Variants in VCPKMT observed in about 807,000 individuals in gnomAD.
The protein encoded by VCPKMT is protein N-lysine methyltransferase METTL21D.
In VCPKMT, 32 loss-of-function variants were observed where a neutral mutation model predicts 28.6. The observed-to-expected ratio is 1.12, with a 90% confidence interval of 0.84 to 1.50. The LOEUF is 1.50. VCPKMT is among the 40% of genes most tolerant of loss of function. The pLI is 0.00. For synonymous variants in VCPKMT, 138 were observed against 111.4 expected (o/e 1.24, Z -1.50); for missense variants, 366 against 285.0 (o/e 1.28, Z -2.05).
chr14:50,106,434 G>T, downstream of VCPKMT: 1 of 457,852 alleles, frequency 2.2e-6, no homozygotes, highest in Non-Finnish European at 2.9e-6. Flanking sequence ...CCAGCTAGTG[G>T]CATCACCTTA....
Position 50,113,803 on chromosome 14 carries a change from GGGGGGGTGA to G in VCPKMT, c.570+473_570+481del, listed in dbSNP as rs1882888133. On this transcript the variant is annotated intron_variant, in intron 4 of 5. Coordinates refer to ENST00000395860, the MANE Select transcript of VCPKMT (RefSeq NM_024558.3). ...CCCACTTACTTGGGGGCGGGGGGGG[GGGGGGGTGA>G]CACTGAGGCAGGAGGATCACTTGAG... 3.4e-5 allele frequency among the ~76,000 whole-genome samples: 3 copies of G among 88,484 alleles called. 1 individual carries two copies. Among genetic ancestry groups the G allele is most frequent in the African/African-American group, 8.0e-5 (2 of 25,138 alleles). The allele number at this position is 88,484 out of a possible 152,430, so 58.0% of individuals were successfully genotyped here.
intron 5 of VCPKMT, chr14:50,110,981 C>T (rs1882611519): frequency 5.3e-6 from 1 of 187,588 alleles, no homozygotes; most frequent in Non-Finnish European, 1.0e-5. Context: ...TGGCTGCCAG[C>T]AGCTGGGGAC....
chr14:50,113,988 T>C (rs1031112661), intron 4 of VCPKMT, among the ~76,000 whole-genome samples: 2 of 152,214 alleles, frequency 1.3e-5, no homozygotes, highest in African/African-American at 2.4e-5. Context: ...ATCATTGAGA[T>C]GTTCCCCAAA....
chr14:50,109,574 ATC>A lies in VCPKMT; in HGVS notation c.*123_*124del, dbSNP rs1482436372. The A allele has an allele frequency of 3.5e-6, 5 of 1,423,674 alleles. No individual in the cohort carries two copies. The highest frequency in any genetic ancestry group is 3.0e-5 in the African/African-American group (2 of 67,300). 88.2% of individuals were successfully genotyped at this position (1,423,674 alleles called of 1,614,324 possible). A position where few individuals can be genotyped will look rare whatever the true frequency, so the allele number is the denominator to read the frequency against. ...CTGGTGGTCATCATCTATACATCGG[ATC>A]TCTAAGGACGTGCCGGAAAAAAAAA... On this transcript the variant is annotated 3_prime_UTR_variant, in exon 6 of 6. Coordinates refer to ENST00000395860, the MANE Select transcript of VCPKMT (RefSeq NM_024558.3).
rs1288842667 is a variant in VCPKMT at position 50,115,881 on chromosome 14, TGGA to T, written c.405_407del (p.Pro137del). On this transcript the variant is annotated inframe_deletion, in exon 3 of 6. Transcript: ENST00000395860. ...AGTCGGCCATCAGTATGAAGTCGGG[TGGA>T]GAAGGAAAGCCTTCTATTTCTTCCC... The T allele has an allele frequency of 1.2e-6, 2 of 1,613,444 alleles. No homozygotes were observed. The highest frequency in any genetic ancestry group is 8.5e-7 in the Non-Finnish European group (1 of 1,179,538).
chr14:50,115,933 T>G lies in VCPKMT; in HGVS notation c.378-22A>C, dbSNP rs1279732610. The G allele has an allele frequency of 1.9e-6, 3 of 1,611,804 alleles. No homozygotes were observed. The East Asian group carries it at 6.7e-5, about 36-fold the overall frequency. ...CCCCCTTAAAAATGCCAAACAAATA[T>G]TTCAATTGTTTTAATAATTCAAAAT... On this transcript the variant is annotated intron_variant, in intron 2 of 5. Transcript: ENST00000395860.
downstream of VCPKMT, among the ~76,000 whole-genome samples, chr14:50,107,716 G>C (rs1001155354): frequency 6.6e-6 from 1 of 152,174 alleles, no homozygotes. Flanking sequence ...GGGAATAGCC[G>C]AACAGGAAGG....
chr14:50,116,494 A>G lies in VCPKMT; in HGVS notation c.59T>C (p.Leu20Ser). 2 of 1,613,892 alleles carry G rather than the reference A, an allele frequency of 1.2e-6. No individual in the cohort carries two copies. Among genetic ancestry groups the G allele is most frequent in the Non-Finnish European group, 1.7e-6 (2 of 1,179,920 alleles). Residue 20 changes from leucine (L) to serine (S), a missense_variant, in exon 1 of 6, where the codon TTG becomes TCG. Leu to Ser is a moderately radical substitution (Grantham distance 145). Coordinates refer to ENST00000395860, the MANE Select transcript of VCPKMT (RefSeq NM_024558.3). ...TAGCACTGTACCATCCCGCTTCTCC[A>G]AAACTCGCACAAAGCTCCGCAGTGG... is the stretch of plus-strand genomic sequence containing the variant. ...EDPLRSFVRV[L>S]EKRDGTVLRL... is the part of the protein sequence containing the mutation.
In VCPKMT at chr14:50,115,760, G is replaced by A. The variant is rs1042457683; in HGVS notation, c.450+79C>T. 157 of 1,485,520 alleles carry A rather than the reference G, an allele frequency of 1.1e-4. 1 individual carries two copies. The highest frequency in any genetic ancestry group is 6.4e-5 in the Non-Finnish European group (70 of 1,087,092). 92.0% of individuals were successfully genotyped at this position (1,485,520 alleles called of 1,614,324 possible). On this transcript the variant is annotated intron_variant, in intron 3 of 5. Transcript: ENST00000395860. Reference sequence around the variant, plus strand: ...ATCCCGGATTCAAAGATGTTAAAATGTGAAGAAACGTGTGCTTTAGAATTC... The same window carrying A: ...ATCCCGGATTCAAAGATGTTAAAATATGAAGAAACGTGTGCTTTAGAATTC...
chr14:50,106,590 C>T, downstream of VCPKMT: 1 of 985,348 alleles, frequency 1.0e-6, no homozygotes, highest in Non-Finnish European at 1.2e-6. Flanking sequence ...CATCACTCCT[C>T]TAATTCTGTC....
At chr14:50,112,151 A>T (rs768430008) in intron 5 of VCPKMT, 26 of 785,574 alleles carry the variant, frequency 3.3e-5, no homozygotes, top group Non-Finnish European at 3.9e-5. Context: ...AATCTCACAG[A>T]GATAAAAGAA....
At position 50,113,794 on chromosome 14, in the gene VCPKMT, CGGGGGGGGGG is replaced by C. The variant is rs61233901; in HGVS notation, c.570+481_570+490del. Among the ~76,000 whole-genome samples, 5 of 8,340 alleles carry C rather than the reference CGGGGGGGGGG, an allele frequency of 6.0e-4. 1 individual carries two copies. The highest frequency in any genetic ancestry group is 1.2e-3 in the African/African-American group (4 of 3,450). The allele number at this position is 8,340 out of a possible 152,430, so 5.5% of individuals were successfully genotyped here. On this transcript the variant is annotated intron_variant, in intron 4 of 5. Coordinates refer to ENST00000395860, the MANE Select transcript of VCPKMT (RefSeq NM_024558.3). ...GCCTATAGTCCCACTTACTTGGGGG[CGGGGGGGGGG>C]GGGGGTGACACTGAGGCAGGAGGAT...
chr14:50,113,361 A>G (rs1882839073), intron 4 of VCPKMT: 1 of 152,212 alleles, frequency 6.6e-6, no homozygotes, highest in African/African-American at 2.4e-5. Flanking sequence ...ACATTTTAGT[A>G]TTTGTTACCT....
rs1196298930 is a variant in VCPKMT at position 50,108,953 on chromosome 14, A to C, written c.*746T>G. 1.4e-5 allele frequency: 14 copies of C among 985,326 alleles called. No individual in the cohort carries two copies. The highest frequency in any genetic ancestry group is 1.7e-5 in the Non-Finnish European group (14 of 829,926). 61.0% of individuals were successfully genotyped at this position (985,326 alleles called of 1,614,324 possible). A position where few individuals can be genotyped will look rare whatever the true frequency, so the allele number is the denominator to read the frequency against. ...AAGTGCATGAGCCACGTAAGTGCAT[A>C]AGCCTGAAACTGGTCTTTCTATTCT... On this transcript the variant is annotated 3_prime_UTR_variant, in exon 6 of 6. Transcript: ENST00000395860.
At chr14:50,111,918 T>C (rs1882687370) in intron 5 of VCPKMT, 1 of 985,016 alleles carries the variant, frequency 1.0e-6, no homozygotes, top group Non-Finnish European at 1.2e-6. Flanking sequence ...GTACAATTCT[T>C]CCCTCTTTCT....
downstream of VCPKMT, chr14:50,106,591 T>C (rs1364072656): frequency 2.5e-5 from 25 of 985,340 alleles, no homozygotes; most frequent in Non-Finnish European, 3.0e-5. Context: ...ATCACTCCTC[T>C]AATTCTGTCT....
Position 50,111,261 on chromosome 14 carries a change from C to CA in VCPKMT, c.675+1353dup, listed in dbSNP as rs144679350. ...AAAAAATTCTACTTTTAAAACTGCA[C>CA]AACAGCTTCAGTTAACACTAGATCC... On this transcript the variant is annotated intron_variant, in intron 5 of 5. Transcript: ENST00000395860. 2,101 of 984,776 alleles carry CA rather than the reference C, an allele frequency of 2.1e-3. 33 individuals are homozygous for CA. The African/African-American group carries it at 0.034, about 16-fold the overall frequency. The allele number at this position is 984,776 out of a possible 1,614,324, so 61.0% of individuals were successfully genotyped here. A position where few individuals can be genotyped will look rare whatever the true frequency, so the allele number is the denominator to read the frequency against.
intron 5 of VCPKMT, 140 bp downstream of exon 5, chr14:50,112,475 G>T: frequency 2.1e-6 from 1 of 467,760 alleles, no homozygotes; most frequent in Non-Finnish European, 3.8e-6. Flanking sequence ...TCTTGACAAT[G>T]AAGTTACTGC....
chr14:50,107,968 C>T (rs1405433682), downstream of VCPKMT, among the ~76,000 whole-genome samples: 1 of 151,960 alleles, frequency 6.6e-6, no homozygotes, highest in Non-Finnish European at 1.5e-5. Context: ...GAGGGTGGAT[C>T]ACTTGGCTCC....
Sources: gnomAD v4.1 joint callset for allele counts (sites outside exome capture counted in the v4.1 genomes callset) on GRCh38, gnomAD v4.1.1 for gene constraint, MANE v1.5 for transcripts, NCBI Gene and HGNC (gene_info 2026-07-23, HGNC 2026-07-21) for gene names.